The following EPS15 variants were observed in gnomAD, a reference collection of about 807,000 sequenced individuals.
EPS15 encodes epidermal growth factor receptor substrate 15.
EPS15 carries 72 observed loss-of-function variants against 113.8 expected under a neutral mutation model. That is an observed-to-expected ratio of 0.63 (90% confidence interval 0.52 to 0.77). The LOEUF is 0.77. Ranked by LOEUF, EPS15 falls within the 30% of genes least tolerant of loss-of-function variation. The pLI is 0.00. For synonymous variants in EPS15, 344 were observed against 363.4 expected (o/e 0.95, Z 0.61); for missense variants, 1,048 against 1,045.8 (o/e 1.00, Z -0.03).
intron 8 of EPS15, among the ~76,000 whole-genome samples, chr1:51,457,165 T>C (rs1654064359): frequency 6.6e-6 from 1 of 152,074 alleles, no homozygotes; most frequent in Non-Finnish European, 1.5e-5. Context: ...CGGGCGCCTG[T>C]AGTCCCAGCT....
intron 21 of EPS15, among the ~76,000 whole-genome samples, chr1:51,376,436 G>T (rs1200596061): frequency 6.6e-6 from 1 of 151,926 alleles, no homozygotes; most frequent in African/African-American, 2.4e-5. Flanking sequence ...GGCCAAGGCG[G>T]GCAGATCACT....
chr1:51,364,028 C>T lies in EPS15; in HGVS notation c.2197G>A (p.Val733Ile). Residue 733 changes from valine (V) to isoleucine (I), a missense_variant and splice_region_variant, in exon 23 of 25, where the codon GTC becomes ATC. Coordinates refer to ENST00000371733, the MANE Select transcript of EPS15 (RefSeq NM_001981.3). ...GAACGAAAAGGATCTTCATTGTTGA[C>T]CTTTGTTTAAAAAGAAATGGTTATA... ...GFADFSTLSK[V>I]NNEDPFRSAT... 2 of 1,606,640 alleles carry T rather than the reference C, an allele frequency of 1.2e-6. No homozygotes were observed. The highest frequency in any genetic ancestry group is 1.7e-6 in the Non-Finnish European group (2 of 1,175,886).
At chr1:51,466,337 C>CAAAA (rs1263986502) in intron 5 of EPS15, among the ~76,000 whole-genome samples, 1 of 151,466 alleles carries the variant, frequency 6.6e-6, no homozygotes, top group African/African-American at 2.4e-5. Context: ...AAAGTTGAAT[C>CAAAA]TAGGCTAGGT....
At chr1:51,488,493 A>C (rs967541715) in intron 1 of EPS15, among the ~76,000 whole-genome samples, 4 of 150,390 alleles carry the variant, frequency 2.7e-5, no homozygotes, top group East Asian at 3.9e-4. Context: ...AAAAAAAAAA[A>C]AAACTCAGAC....
At chr1:51,423,088 C>T (rs1006595614) in intron 12 of EPS15, 1 of 586,182 alleles carries the variant, frequency 1.7e-6, no homozygotes, top group Non-Finnish European at 2.4e-6. Context: ...AGACAAAAAT[C>T]AACTGTTTTG....
chr1:51,416,210 GA>G (rs1471475072), intron 13 of EPS15, among the ~76,000 whole-genome samples: 1 of 152,076 alleles, frequency 6.6e-6, no homozygotes. Flanking sequence ...TGGCCCTTGG[GA>G]ACATCCTTTC....
intron 4 of EPS15, among the ~76,000 whole-genome samples, chr1:51,469,672 A>C (rs72679106): frequency 0.022 from 3,335 of 152,108 alleles, 32 homozygotes; most frequent in Middle Eastern, 0.034. Flanking sequence ...ACCCATTCTT[A>C]TCACCTTGCA....
chr1:51,390,992 C>A (rs1310728796), intron 21 of EPS15, among the ~76,000 whole-genome samples: 1 of 152,190 alleles, frequency 6.6e-6, no homozygotes, highest in Non-Finnish European at 1.5e-5. Context: ...ATAAATCATG[C>A]TGCTATAAAG....
intron 21 of EPS15, among the ~76,000 whole-genome samples, chr1:51,374,336 G>A (rs906298812): frequency 2.0e-5 from 3 of 152,200 alleles, no homozygotes; most frequent in African/African-American, 7.2e-5. Context: ...TAAGTATCCT[G>A]CCGGGTACGG....
intron 12 of EPS15, among the ~76,000 whole-genome samples, chr1:51,428,583 T>C (rs887464208): frequency 3.3e-5 from 5 of 151,874 alleles, no homozygotes; most frequent in African/African-American, 1.2e-4. Flanking sequence ...TCCCAGCACT[T>C]TGGGAAGCTG....
chr1:51,417,172 C>G, intron 13 of EPS15, among the ~76,000 whole-genome samples: 1 of 151,998 alleles, frequency 6.6e-6, no homozygotes, highest in East Asian at 1.9e-4. Context: ...ATAAGTCATC[C>G]CTCTTCATCT....
At chr1:51,414,125 C>A (rs1649992154) in intron 13 of EPS15, among the ~76,000 whole-genome samples, 1 of 152,084 alleles carries the variant, frequency 6.6e-6, no homozygotes, top group Non-Finnish European at 1.5e-5. Context: ...AAAATACAAT[C>A]TATTGAGCCG....
At chr1:51,418,591 A>C (rs1485061392) in intron 13 of EPS15, among the ~76,000 whole-genome samples, 1 of 152,090 alleles carries the variant, frequency 6.6e-6, no homozygotes, top group Non-Finnish European at 1.5e-5. Flanking sequence ...GGTATTTTCA[A>C]ATTGAAGAGT....
At chr1:51,440,573 A>G in intron 11 of EPS15, 141 bp from the exon 12 acceptor site, 1 of 383,140 alleles carries the variant, frequency 2.6e-6, no homozygotes, top group East Asian at 4.0e-5. Context: ...TAAGAAAATC[A>G]TATCTAGTAC....
At chr1:51,493,732 C>A (rs1644282414) in intron 1 of EPS15, among the ~76,000 whole-genome samples, 1 of 151,258 alleles carries the variant, frequency 6.6e-6, no homozygotes, top group South Asian at 2.1e-4. Flanking sequence ...GATTCTCCTG[C>A]CTCAGCCTCC....
At chr1:51,502,656 A>T (rs1644432377) in intron 1 of EPS15, among the ~76,000 whole-genome samples, 1 of 152,186 alleles carries the variant, frequency 6.6e-6, no homozygotes, top group East Asian at 1.9e-4. Flanking sequence ...AGATCAGTAT[A>T]AAAAAATTTT....
At chr1:51,462,289 G>C (rs932113758) in intron 7 of EPS15, among the ~76,000 whole-genome samples, 2 of 151,916 alleles carry the variant, frequency 1.3e-5, no homozygotes, top group Non-Finnish European at 1.5e-5. Flanking sequence ...CTTGAACCCG[G>C]GAGGCAGAGG....
Position 51,519,135 on chromosome 1 carries a change from G to C in EPS15, c.33+64C>G, listed in dbSNP as rs7535635. 0.011 allele frequency: 13,735 copies of C among 1,198,678 alleles called. 1,097 individuals are homozygous for C. In the African/African-American group the frequency reaches 0.18, roughly 16 times the overall value. 74.3% of individuals were successfully genotyped at this position (1,198,678 alleles called of 1,614,324 possible). On this transcript the variant is annotated intron_variant, in intron 1 of 24. Coordinates refer to ENST00000371733, the MANE Select transcript of EPS15 (RefSeq NM_001981.3). ...GCCCACAAGCCAAGAAGTCGGCGAA[G>C]CTGAGGGCGGTGGGGGAGGGGGCAC...
At position 51,507,722 on chromosome 1, in the gene EPS15, A is replaced by ATG. The variant is rs202206045; in HGVS notation, c.33+11475_33+11476dup. 7.2e-4 allele frequency among the ~76,000 whole-genome samples: 109 copies of ATG among 151,846 alleles called. 1 individual carries two copies. The East Asian group carries it at 9.7e-3, about 13-fold the overall frequency. On this transcript the variant is annotated intron_variant, in intron 1 of 24. Transcript: ENST00000371733. ...CATACATATATATACACACATATAT[A>ATG]TGTGTGTGTGTGTATGAAAGAGAGA...
Sources: gnomAD v4.1 joint callset for allele counts (sites outside exome capture counted in the v4.1 genomes callset) on GRCh38, gnomAD v4.1.1 for gene constraint, MANE v1.5 for transcripts, NCBI Gene and HGNC (gene_info 2026-07-23, HGNC 2026-07-21) for gene names.